The following NWD1 variants were observed in gnomAD, a reference collection of about 807,000 sequenced individuals.
NWD1 encodes the protein NACHT domain- and WD repeat-containing protein 1.
A neutral mutation model predicts 135.1 loss-of-function variants in NWD1; 129 were observed. The ratio of observed to expected loss-of-function variants is 0.96; its 90% CI spans 0.83 to 1.11. The LOEUF (loss-of-function observed/expected upper bound fraction) is 1.11. Among genes scored for constraint, NWD1 ranks in the 50% least tolerant of loss-of-function variants. The pLI is 0.00. For synonymous variants in NWD1, 773 were observed against 786.0 expected, an observed-to-expected ratio of 0.98 and a Z score of 0.28; for missense variants, 1,740 against 1,851.3, an observed-to-expected ratio of 0.94 and a Z score of 1.10.
chr19:16,795,502 C>T (rs1420273079), intron 15 of NWD1, among the ~76,000 whole-genome samples: 1 of 151,550 alleles, frequency 6.6e-6, no homozygotes, highest in Non-Finnish European at 1.5e-5. Context: ...CTGCAACCTC[C>T]ACCTCCCGGG....
chr19:16,761,051 A>G (rs922125201), intron 7 of NWD1, among the ~76,000 whole-genome samples: 1 of 151,526 alleles, frequency 6.6e-6, no homozygotes, highest in Admixed American at 6.6e-5. Flanking sequence ...GCAGCCACTC[A>G]TCTGCTTCCT....
chr19:16,762,572 A>G (rs966694545), intron 8 of NWD1, among the ~76,000 whole-genome samples: 2 of 152,106 alleles, frequency 1.3e-5, no homozygotes, highest in Non-Finnish European at 2.9e-5. Context: ...ACAAACAAAC[A>G]AAGTACAGAG....
At chr19:16,788,770 A>G (rs2123041112) in intron 12 of NWD1, among the ~76,000 whole-genome samples, 1 of 152,134 alleles carries the variant, frequency 6.6e-6, no homozygotes, top group South Asian at 2.1e-4. Context: ...CAAGCGTGAG[A>G]ACTCTTTCTC....
At position 16,744,502 on chromosome 19, in the gene NWD1, C is replaced by T. The variant is rs916929360; in HGVS notation, c.280C>T (p.Leu94=). 1 of 1,535,954 alleles carries T rather than the reference C, an allele frequency of 6.5e-7. No homozygotes were observed. Among genetic ancestry groups the T allele is most frequent in the Non-Finnish European group, 8.7e-7 (1 of 1,146,876 alleles). ...EKEWEVLRDH[L]TARPSDLELV... ...GGAGTGGGAGGTATTGAGGGACCAT[C>T]TGACTGCCAGGCCAAGTGACCTGGA... The change falls in exon 5 of 19, where the codon CTG becomes TTG. Residue 94 remains leucine, a synonymous_variant. Transcript: ENST00000524140.
At chr19:16,804,319 G>A (rs559590630) in intron 17 of NWD1, among the ~76,000 whole-genome samples, 3 of 152,262 alleles carry the variant, frequency 2.0e-5, no homozygotes, top group Admixed American at 1.3e-4. Flanking sequence ...GGTGGCTCAT[G>A]CCTGTAATCC....
In NWD1 at chr19:16,797,844, G is replaced by T. The variant is rs1415167277; in HGVS notation, c.3417G>T (p.Glu1139Asp). The change falls in exon 16 of 19, where the codon GAG (glutamate) becomes GAT (aspartate). Residue 1139 changes from glutamate to aspartate, a missense_variant. By Grantham distance (45) the Glu-to-Asp change is conservative. Transcript: ENST00000524140. ...DMVETAVFGT[E>D]NNLIITGSLD... Reference sequence around the variant, plus strand: ...TGGAGACGGCTGTTTTTGGTACTGAGAACAACCTGATCATCACGGGGTCCC... The same window carrying T: ...TGGAGACGGCTGTTTTTGGTACTGATAACAACCTGATCATCACGGGGTCCC... The T allele has an allele frequency of 6.2e-7, 1 of 1,614,116 alleles. No individual in the cohort carries two copies. Among genetic ancestry groups the T allele is most frequent in the East Asian group, 2.2e-5 (1 of 44,876 alleles).
intron 11 of NWD1, 128 bp from the exon 12 acceptor site, chr19:16,779,215 C>A (rs1969767797): frequency 1.9e-6 from 2 of 1,043,222 alleles, no homozygotes; most frequent in African/African-American, 3.1e-5. Flanking sequence ...CAGCTTTGGG[C>A]AAGGGACCAA....
intron 14 of NWD1, 104 bp from the exon 15 acceptor site, chr19:16,794,359 C>A: frequency 1.6e-6 from 1 of 641,174 alleles, no homozygotes; most frequent in Non-Finnish European, 2.7e-6. Context: ...GAGTGAGACT[C>A]CATCTCAAAA....
chr19:16,761,215 A>G (rs1034791717), intron 7 of NWD1, among the ~76,000 whole-genome samples: 2 of 152,152 alleles, frequency 1.3e-5, no homozygotes, highest in Non-Finnish European at 2.9e-5. Context: ...TCATGGCTAC[A>G]TAATATTTCA....
chr19:16,773,939 T>TATCC (rs200226720), intron 11 of NWD1, among the ~76,000 whole-genome samples: 2,415 of 124,444 alleles, frequency 0.019, 60 homozygotes, highest in East Asian at 0.087. Context: ...TCCATCCATC[T>TATCC]ATCCATCCAT....
intron 18 of NWD1, chr19:16,812,692 A>T (rs1970959051): frequency 1.3e-6 from 1 of 779,612 alleles, no homozygotes; most frequent in African/African-American, 1.7e-5. Flanking sequence ...ACAAACAAAC[A>T]AACAAACAAA....
At chr19:16,804,557 T>A (rs1205568272) in intron 17 of NWD1, among the ~76,000 whole-genome samples, 1 of 151,376 alleles carries the variant, frequency 6.6e-6, no homozygotes, top group Non-Finnish European at 1.5e-5. Flanking sequence ...ATAATGCCAC[T>A]GCACTCCAGC....
chr19:16,793,098 C>A (rs1263602113), intron 14 of NWD1, among the ~76,000 whole-genome samples: 3 of 151,748 alleles, frequency 2.0e-5, no homozygotes, highest in Admixed American at 2.0e-4. Context: ...GAAGAATCAT[C>A]CCAAATCCCA....
chr19:16,745,229 GA>G (rs1968261389), intron 5 of NWD1: 20 of 366,732 alleles, frequency 5.5e-5, no homozygotes, highest in South Asian at 3.7e-4. Context: ...ACTACCACGA[GA>G]ACAGTATGGG....
chr19:16,778,494 C>CTTCT (rs200410922), intron 11 of NWD1, among the ~76,000 whole-genome samples: 53 of 107,542 alleles, frequency 4.9e-4, no homozygotes, highest in African/African-American at 2.0e-3. Flanking sequence ...TCTTCTTCTT[C>CTTCT]TTTTTTTTTT....
chr19:16,816,386 T>C lies in NWD1; in HGVS notation c.*1347T>C, dbSNP rs1471527549. Reference sequence around the variant, plus strand: ...GCATGTGCGTCTTTGGTTAATGAGCTGACTTCAGGACTCACGCTGGCAGTA... The same window carrying C: ...GCATGTGCGTCTTTGGTTAATGAGCCGACTTCAGGACTCACGCTGGCAGTA... On this transcript the variant is annotated 3_prime_UTR_variant, in exon 19 of 19. Transcript: ENST00000524140. 2 of 151,942 alleles carry C rather than the reference T, an allele frequency of 1.3e-5. No individual in the cohort carries two copies. Among genetic ancestry groups the C allele is most frequent in the African/African-American group, 4.9e-5 (2 of 41,174 alleles). The allele number at this position is 151,942 out of a possible 1,614,324, so 9.4% of individuals were successfully genotyped here.
chr19:16,763,994 C>G, intron 9 of NWD1, 49 bp downstream of exon 9: 1 of 1,103,724 alleles, frequency 9.1e-7, no homozygotes, highest in Non-Finnish European at 1.4e-6. Context: ...GACTGCACCA[C>G]GCTCCAGTCT....
intron 5 of NWD1, among the ~76,000 whole-genome samples, chr19:16,748,755 C>T (rs923356149): frequency 6.6e-5 from 10 of 152,030 alleles, no homozygotes; most frequent in East Asian, 3.8e-4. Context: ...GCCTAGGAGG[C>T]GGAGGTTGCA....
chr19:16,739,703 T>C (rs1968002126), intron 4 of NWD1, among the ~76,000 whole-genome samples: 1 of 152,080 alleles, frequency 6.6e-6, no homozygotes, highest in African/African-American at 2.4e-5. Context: ...TGGAGAGGTG[T>C]CTCTCTGGTA....
Sources: gnomAD v4.1 joint callset for allele counts (sites outside exome capture counted in the v4.1 genomes callset) on GRCh38, gnomAD v4.1.1 for gene constraint, MANE v1.5 for transcripts, NCBI Gene and HGNC (gene_info 2026-07-23, HGNC 2026-07-21) for gene names.